The following ZSCAN21 variants were observed in gnomAD, a reference collection of about 807,000 sequenced individuals.
ZSCAN21 encodes the protein zinc finger and SCAN domain containing 21.
A neutral mutation model predicts 35.6 loss-of-function variants in ZSCAN21; 26 were observed. The ratio of observed to expected loss-of-function variants is 0.73; its 90% CI spans 0.54 to 1.01. ZSCAN21 has a LOEUF of 1.01. Among genes scored for constraint, ZSCAN21 ranks in the 50% least tolerant of loss-of-function variants. ZSCAN21 has a pLI of 0.00. For synonymous variants in ZSCAN21, 219 were observed against 219.3 expected, an observed-to-expected ratio of 1.00 and a Z score of 0.01; for missense variants, 593 against 587.1, an observed-to-expected ratio of 1.01 and a Z score of -0.10.
rs1159903005 is a variant in ZSCAN21 at position 100,064,256 on chromosome 7, A to G, written c.1061A>G (p.His354Arg). ...GACCTTCTTAAACATCAGAGAATGC[A>G]CACAGAAGAGGCGCCATATCAGTGC... ...SSDLLKHQRM[H>R]TEEAPYQCKD... Residue 354 changes from histidine to arginine, a missense_variant, in exon 4 of 4, where the codon CAC becomes CGC. Physicochemically the swap from His to Arg is conservative, Grantham distance 29. Coordinates refer to ENST00000292450, the MANE Select transcript of ZSCAN21 (RefSeq NM_145914.3). The G allele has an allele frequency of 1.2e-6, 2 of 1,614,166 alleles. No homozygotes were observed. Among genetic ancestry groups the G allele is most frequent in the South Asian group, 2.2e-5 (2 of 91,078 alleles).
chr7:100,057,050 G>A lies in ZSCAN21; in HGVS notation c.44G>A (p.Arg15Lys). ...GGCATGGCCCCAGTTCTGGGCCCTA[G>A]GCCTCCACAGGAGCAGGTGGGGCCT... ...VLGMAPVLGPRPPQEQVGPLM... is the reference protein window; with the variant it reads ...VLGMAPVLGPKPPQEQVGPLM... The change falls in exon 2 of 4, where the codon AGG becomes AAG. Residue 15 changes from arginine to lysine, a missense_variant. Coordinates refer to ENST00000292450, the MANE Select transcript of ZSCAN21 (RefSeq NM_145914.3). The A allele has an allele frequency of 6.2e-7, 1 of 1,613,966 alleles. No homozygotes were observed.
intron 3 of ZSCAN21, among the ~76,000 whole-genome samples, chr7:100,060,514 A>G (rs1792243484): frequency 6.6e-6 from 1 of 152,094 alleles, no homozygotes; most frequent in South Asian, 2.1e-4. Context: ...GTGAGCCAAG[A>G]TCGCGCCATT....
chr7:100,051,047 C>T (rs1791842652), intron 1 of ZSCAN21, among the ~76,000 whole-genome samples: 1 of 150,288 alleles, frequency 6.7e-6, no homozygotes, highest in South Asian at 2.1e-4. Flanking sequence ...CAAAATTAGG[C>T]GGGCGTGGTG....
Position 100,063,982 on chromosome 7 carries a change from A to G in ZSCAN21, c.787A>G (p.Arg263Gly), listed in dbSNP as rs1376381992. 68 of 1,614,060 alleles carry G rather than the reference A, an allele frequency of 4.2e-5. No homozygotes were observed. The highest frequency in any genetic ancestry group is 5.8e-5 in the Non-Finnish European group (68 of 1,180,008). Residue 263 changes from arginine to glycine, a missense_variant, in exon 4 of 4, where the codon AGA (arginine) becomes GGA (glycine). By Grantham distance (125) the Arg-to-Gly change is moderately radical (BLOSUM62 -2). Coordinates refer to ENST00000292450, the MANE Select transcript of ZSCAN21 (RefSeq NM_145914.3). ...TCAAGAGGCAGGCTCCAAGAAAGGT[A>G]GAGAATCAGTTCCTACTAAACCTAC... is the stretch of plus-strand genomic sequence containing the variant. Reference protein sequence around the residue: ...PLQEAGSKKGRESVPTKPTPG... With the variant: ...PLQEAGSKKGGESVPTKPTPG...
chr7:100,059,296 T>G lies in ZSCAN21; in HGVS notation c.592+1406T>G, dbSNP rs1792194256. 2.0e-5 allele frequency among the ~76,000 whole-genome samples: 3 copies of G among 152,254 alleles called. No individual in the cohort carries two copies. In the South Asian group the frequency reaches 6.2e-4, roughly 31 times the overall value. On this transcript the variant is annotated intron_variant, in intron 3 of 3. Coordinates refer to ENST00000292450, the MANE Select transcript of ZSCAN21 (RefSeq NM_145914.3). ...GTTTATGGTGAACACAGTAGACCTC[T>G]CCAGGCAATTGGGGTTTCCCCAGAG... is the stretch of plus-strand genomic sequence containing the variant.
intron 3 of ZSCAN21, among the ~76,000 whole-genome samples, chr7:100,061,142 A>G (rs755009233): frequency 1.3e-5 from 2 of 152,236 alleles, no homozygotes; most frequent in Non-Finnish European, 2.9e-5. Context: ...ACTACCCAAC[A>G]GTAACAGTGC....
chr7:100,063,049 C>T (rs1792409804), intron 3 of ZSCAN21, among the ~76,000 whole-genome samples: 5 of 152,132 alleles, frequency 3.3e-5, no homozygotes, highest in Admixed American at 3.3e-4. Flanking sequence ...ACACCATGCC[C>T]ACCTAATTTT....
rs1792476890 is a variant in ZSCAN21 at position 100,063,880 on chromosome 7, A to G, written c.685A>G (p.Ile229Val). The part of the protein sequence containing the change: ...GLKGDIISVI[I>V]ANKPEASLER... ...CAAAGGGGATATAATTTCTGTGATTATCGCCAATAAACCTGAGGCCAGCTT... is the reference window on the plus strand; with the variant it reads ...CAAAGGGGATATAATTTCTGTGATTGTCGCCAATAAACCTGAGGCCAGCTT... Residue 229 changes from isoleucine (I) to valine (V), a missense_variant, in exon 4 of 4, where the codon ATC becomes GTC. By Grantham distance (29) the Ile-to-Val change is conservative. Coordinates refer to ENST00000292450, the MANE Select transcript of ZSCAN21 (RefSeq NM_145914.3). The G allele has an allele frequency of 5.0e-6, 8 of 1,614,194 alleles. No individual in the cohort carries two copies. The highest frequency in any genetic ancestry group is 6.8e-6 in the Non-Finnish European group (8 of 1,180,044).
At chr7:100,050,325 G>C (rs1791813829) in intron 1 of ZSCAN21, among the ~76,000 whole-genome samples, 1 of 152,140 alleles carries the variant, frequency 6.6e-6, no homozygotes, top group African/African-American at 2.4e-5. Flanking sequence ...CTTTGTTCGG[G>C]CTAGAACACA....
intron 1 of ZSCAN21, among the ~76,000 whole-genome samples, chr7:100,054,630 T>C (rs2116079280): frequency 1.3e-5 from 2 of 152,050 alleles, no homozygotes; most frequent in South Asian, 4.1e-4. Flanking sequence ...TCCCTTTTCA[T>C]GCTTTGGTTT....
At chr7:100,051,595 C>T (rs539116123) in intron 1 of ZSCAN21, 1 of 152,092 alleles carries the variant, frequency 6.6e-6, no homozygotes, top group South Asian at 2.1e-4. Flanking sequence ...GCGCCGGGCC[C>T]CCTAGGGATT....
chr7:100,055,779 A>G (rs1792051783), intron 1 of ZSCAN21, among the ~76,000 whole-genome samples: 1 of 150,896 alleles, frequency 6.6e-6, no homozygotes, highest in Non-Finnish European at 1.5e-5. Context: ...TAGCTGGACT[A>G]CAGGCGCCTG....
intron 1 of ZSCAN21, among the ~76,000 whole-genome samples, chr7:100,050,744 C>T (rs1226413602): frequency 1.3e-5 from 2 of 151,948 alleles, no homozygotes; most frequent in African/African-American, 4.8e-5. Flanking sequence ...CTTGGAAACC[C>T]ACGAAATCTA....
At chr7:100,056,758 C>T (rs954893802) in intron 1 of ZSCAN21, among the ~76,000 whole-genome samples, 153 bp from the exon 2 acceptor site, 4 of 152,190 alleles carry the variant, frequency 2.6e-5, no homozygotes, top group African/African-American at 9.7e-5. Flanking sequence ...GCCACTGTAC[C>T]CAGCTCATTC....
chr7:100,056,033 C>T (rs1385632378), intron 1 of ZSCAN21, among the ~76,000 whole-genome samples: 4 of 151,892 alleles, frequency 2.6e-5, no homozygotes, highest in Non-Finnish European at 2.9e-5. Flanking sequence ...CTCCGTCTCC[C>T]GGGTTCACAC....
chr7:100,060,858 C>CAAAAAAAAAAAAAAAAAAAAAAAAA (rs372983638), intron 3 of ZSCAN21, among the ~76,000 whole-genome samples: 1 of 74,456 alleles, frequency 1.3e-5, no homozygotes. Flanking sequence ...AGGACTCCGT[C>CAAAAAAAAAAAAAAAAAAAAAAAAA]AAAAAAAAAA....
At chr7:100,056,518 G>A (rs1428839294) in intron 1 of ZSCAN21, among the ~76,000 whole-genome samples, 2 of 151,844 alleles carry the variant, frequency 1.3e-5, no homozygotes, top group African/African-American at 4.8e-5. Flanking sequence ...AGGCTGGAAT[G>A]CAGTGGCGCA....
rs1791789552 is a variant in ZSCAN21 at position 100,049,789 on chromosome 7, GTCC to G, written c.-148_-146del. 1 of 152,318 alleles carries G rather than the reference GTCC, an allele frequency of 6.6e-6. No homozygotes were observed. Among genetic ancestry groups the G allele is most frequent in the Non-Finnish European group, 1.5e-5 (1 of 68,090 alleles). 9.4% of individuals were successfully genotyped at this position (152,318 alleles called of 1,614,324 possible). On this transcript the variant is annotated 5_prime_UTR_variant, in exon 1 of 4. Coordinates refer to ENST00000292450, the MANE Select transcript of ZSCAN21 (RefSeq NM_145914.3). Reference sequence around the variant, plus strand: ...GCTATGACGCACTTCCGGGTGCGCGGTCCCGAGGTACGCGGTGCGGTCTCCCGG... The same window carrying G: ...GCTATGACGCACTTCCGGGTGCGCGGCGAGGTACGCGGTGCGGTCTCCCGG...
chr7:100,061,419 G>C (rs1792285797), intron 3 of ZSCAN21, among the ~76,000 whole-genome samples: 1 of 152,142 alleles, frequency 6.6e-6, no homozygotes, highest in Admixed American at 6.5e-5. Context: ...CTATTCGGGA[G>C]GCTGAGGCAG....
Sources: allele counts gnomAD v4.1 joint callset (sites outside exome capture counted in the v4.1 genomes callset), GRCh38; gene constraint gnomAD v4.1.1; transcripts MANE v1.5; gene names NCBI Gene and HGNC (gene_info 2026-07-23, HGNC 2026-07-21).